The following WDR75 variants were observed in gnomAD, a reference collection of about 807,000 sequenced individuals.
The protein encoded by WDR75 is WD repeat-containing protein 75.
In WDR75, 52 loss-of-function variants were observed where a neutral mutation model predicts 106.1. The ratio of observed to expected loss-of-function variants is 0.49; its 90% confidence interval spans 0.39 to 0.62. The LOEUF (loss-of-function observed/expected upper bound fraction) is 0.62, where lower values mean the gene tolerates loss of function less well. Ranked by LOEUF, WDR75 falls within the 20% of genes least tolerant of loss-of-function variation. The probability of loss-of-function intolerance (pLI) is 0.00; values close to 1 mark genes in which losing one functional copy is unlikely to be tolerated. For missense variants in WDR75, 905 were observed against 970.3 expected, an observed-to-expected ratio of 0.93 and a Z score of 0.89; for synonymous variants, 333 against 335.5, an observed-to-expected ratio of 0.99 and a Z score of 0.08.
intron 4 of WDR75, among the ~76,000 whole-genome samples, chr2:189,454,838 C>T (rs894663561): frequency 1.3e-5 from 2 of 152,146 alleles, no homozygotes; most frequent in African/African-American, 4.8e-5. Flanking sequence ...TGGAATTAGA[C>T]TTCCATTTAA....
chr2:189,459,671 T>C (rs894781663), intron 8 of WDR75, among the ~76,000 whole-genome samples: 6 of 152,238 alleles, frequency 3.9e-5, no homozygotes, highest in Non-Finnish European at 5.9e-5. Context: ...CCTATTTAAA[T>C]TATATGACTT....
rs1407618893 is a variant in WDR75, at chr2:189,467,473, G to A, written c.1453G>A (p.Ala485Thr). 1 of 1,593,116 alleles carries A rather than the reference G, an allele frequency of 6.3e-7. No individual in the cohort carries two copies. The highest frequency in any genetic ancestry group is 1.4e-5 in the African/African-American group (1 of 73,914). The change falls in exon 14 of 21, where the codon GCT becomes ACT. Residue 485 changes from alanine to threonine, a missense_variant. Transcript: ENST00000314761. ...LTDDSDIYKKAVGWTCDFVGS... is the reference protein window; with the variant it reads ...LTDDSDIYKKTVGWTCDFVGS... Reference sequence around the variant, plus strand: ...TATGGCTTATATTTCCACAGAAAAAGCTGTTGGCTGGACCTGTGACTTTGT... The same window carrying A: ...TATGGCTTATATTTCCACAGAAAAAACTGTTGGCTGGACCTGTGACTTTGT...
Position 189,475,445 on chromosome 2 carries a change from C to CT in WDR75, c.*31dup, listed in dbSNP as rs1687195107. The CT allele has an allele frequency of 7.0e-7, 1 of 1,421,294 alleles. No homozygotes were observed. The highest frequency in any genetic ancestry group is 1.9e-4 in the Middle Eastern group (1 of 5,158). 88.0% of individuals were successfully genotyped at this position (1,421,294 alleles called of 1,614,324 possible). On this transcript the variant is annotated 3_prime_UTR_variant, in exon 21 of 21. Transcript: ENST00000314761. ...CTTGGAGATGGGGAGGATCCTTGGACTTTGTGTTTTTGATTGTATGTTGAT... is the reference window on the plus strand; with the variant it reads ...CTTGGAGATGGGGAGGATCCTTGGACTTTTGTGTTTTTGATTGTATGTTGAT...
chr2:189,470,755 TA>T, intron 17 of WDR75, 63 bp from the exon 18 acceptor site: 1 of 1,331,758 alleles, frequency 7.5e-7, no homozygotes, highest in Non-Finnish European at 1.0e-6. Flanking sequence ...TAACACCCTG[TA>T]ACACCTTGTT....
intron 18 of WDR75, among the ~76,000 whole-genome samples, chr2:189,472,478 T>C (rs535779982): frequency 6.6e-6 from 1 of 152,216 alleles, no homozygotes; most frequent in Non-Finnish European, 1.5e-5. Context: ...ATTATTCTTA[T>C]TGTTTTGCCT....
In WDR75 at chr2:189,464,292, A is replaced by G. The variant is rs556565761; in HGVS notation, c.1113+331A>G. 3.6e-4 allele frequency: 87 copies of G among 240,832 alleles called. 1 individual carries two copies. The highest frequency in any genetic ancestry group is 1.6e-5 in the Non-Finnish European group (2 of 124,912). The allele number at this position is 240,832 out of a possible 1,614,324, so 14.9% of individuals were successfully genotyped here. On this transcript the variant is annotated intron_variant, in intron 11 of 20. Transcript: ENST00000314761. Reference sequence around the variant, plus strand: ...AGGTAGATTGACAGTACAAATTTGTATCTGCTTCGTGGTGAAACACTATCA... The same window carrying G: ...AGGTAGATTGACAGTACAAATTTGTGTCTGCTTCGTGGTGAAACACTATCA...
chr2:189,443,193 TAAG>T, intron 1 of WDR75, among the ~76,000 whole-genome samples: 1 of 152,308 alleles, frequency 6.6e-6, no homozygotes, highest in Non-Finnish European at 1.5e-5. Context: ...AAGGAGCTCA[TAAG>T]AAGAGATTAC....
intron 20 of WDR75, 52 bp downstream of exon 20, chr2:189,474,860 C>T (rs745732950): frequency 5.6e-6 from 8 of 1,416,316 alleles, no homozygotes; most frequent in South Asian, 1.2e-5. Context: ...GAAACAGGAT[C>T]GTTTGTGTTT....
intron 16 of WDR75, 77 bp downstream of exon 16, chr2:189,469,516 T>C: frequency 8.0e-7 from 1 of 1,257,784 alleles, no homozygotes; most frequent in Non-Finnish European, 1.1e-6. Flanking sequence ...TGAGCCAAAC[T>C]TGCCTTCACA....
chr2:189,460,480 T>G (rs867873807), intron 8 of WDR75, among the ~76,000 whole-genome samples: 2 of 151,970 alleles, frequency 1.3e-5, no homozygotes, highest in Non-Finnish European at 2.9e-5. Flanking sequence ...GGTATCCATA[T>G]GTATGTGTCT....
At chr2:189,444,955 C>T (rs557467582) in intron 1 of WDR75, among the ~76,000 whole-genome samples, 5 of 152,176 alleles carry the variant, frequency 3.3e-5, no homozygotes, top group South Asian at 2.1e-4. Context: ...ATCTTGGTTC[C>T]GACTTGAAAC....
At chr2:189,449,266 T>C (rs1205149005) in intron 2 of WDR75, 2 of 1,303,420 alleles carry the variant, frequency 1.5e-6, no homozygotes, top group Non-Finnish European at 2.0e-6. Flanking sequence ...TTGGAAGTTA[T>C]TGATTAAGGA....
chr2:189,455,416 C>T lies in WDR75; in HGVS notation c.470C>T (p.Ser157Leu). 1 of 1,612,904 alleles carries T rather than the reference C, an allele frequency of 6.2e-7. No individual in the cohort carries two copies. The highest frequency in any genetic ancestry group is 1.1e-5 in the South Asian group (1 of 90,870). Residue 157 changes from serine (S) to leucine (L), a missense_variant, in exon 5 of 21, where the codon TCA becomes TTA. Coordinates refer to ENST00000314761, the MANE Select transcript of WDR75 (RefSeq NM_032168.3). ...LSFVLDYINQ[S>L]PKCIAFGNEG... ...TTTGTTTTGGATTACATAAACCAGT[C>T]ACCCAAGTGCATTGCCTTTGGAAAC...
chr2:189,455,249 A>AG (rs1686709169), intron 4 of WDR75, 71 bp from the exon 5 acceptor site: 2 of 1,540,294 alleles, frequency 1.3e-6, no homozygotes, highest in East Asian at 4.5e-5. Context: ...TCAAAAAAAA[A>AG]AGAATAAATT....
chr2:189,474,583 T>C (rs1209480559), intron 19 of WDR75, 134 bp from the exon 20 acceptor site: 23 of 899,494 alleles, frequency 2.6e-5, no homozygotes, highest in Non-Finnish European at 1.3e-5. Flanking sequence ...GGTTTGGCTT[T>C]TGTATAGGGA....
At chr2:189,467,281 G>C (rs7592383) in intron 13 of WDR75, among the ~76,000 whole-genome samples, 187 bp from the exon 14 acceptor site, 9,854 of 152,192 alleles carry the variant, frequency 0.065, 495 homozygotes, top group African/African-American at 0.14. Context: ...CATGCTCTGT[G>C]TCTGCCTTTC....
chr2:189,469,589 C>T, intron 16 of WDR75, 150 bp downstream of exon 16: 1 of 637,598 alleles, frequency 1.6e-6, no homozygotes, highest in Non-Finnish European at 2.8e-6. Context: ...AACACTTTGT[C>T]ATTGTGTGCG....
At position 189,459,427 on chromosome 2, in the gene WDR75, A is replaced by T; in HGVS notation, c.778+3A>T. ...GGATTTGGCTTTTTCAGTGACAGGTAAGTGCGGGTTTAATTATTAAAATGA... is the reference window on the plus strand; with the variant it reads ...GGATTTGGCTTTTTCAGTGACAGGTTAGTGCGGGTTTAATTATTAAAATGA... On this transcript the variant is annotated splice_donor_region_variant and intron_variant, in intron 8 of 20. Coordinates refer to ENST00000314761, the MANE Select transcript of WDR75 (RefSeq NM_032168.3). The T allele has an allele frequency of 6.2e-7, 1 of 1,609,396 alleles. No individual in the cohort carries two copies. Among genetic ancestry groups the T allele is most frequent in the Admixed American group, 1.7e-5 (1 of 59,624 alleles).
chr2:189,441,696 G>T, intron 1 of WDR75, 118 bp downstream of exon 1: 4 of 1,177,238 alleles, frequency 3.4e-6, no homozygotes, highest in Non-Finnish European at 4.9e-6. Context: ...TCGGCTTTGG[G>T]TAGAGCACGC....
Sources: gnomAD v4.1 joint callset for allele counts (sites outside exome capture counted in the v4.1 genomes callset) on GRCh38, gnomAD v4.1.1 for gene constraint, MANE v1.5 for transcripts, NCBI Gene and HGNC (gene_info 2026-07-23, HGNC 2026-07-21) for gene names.